Variants in KCNIP4 observed in about 807,000 individuals in gnomAD.
The protein encoded by KCNIP4 is Kv channel-interacting protein 4.
KCNIP4 carries 12 observed loss-of-function variants against 34.0 expected under a neutral mutation model. The observed-to-expected ratio is 0.35, with a 90% CI of 0.23 to 0.57. The LOEUF (loss-of-function observed/expected upper bound fraction) is 0.57, where lower values mean the gene tolerates loss of function less well. KCNIP4 is among the 20% of genes least tolerant of loss of function. KCNIP4 has a pLI of 0.83. For synonymous variants in KCNIP4, 124 were observed against 102.2 expected (o/e 1.21, Z -1.29); for missense variants, 238 against 311.7 (o/e 0.76, Z 1.78).
intron 1 of KCNIP4, among the ~76,000 whole-genome samples, chr4:20,969,209 T>C (rs1270063287): frequency 6.6e-6 from 1 of 152,180 alleles, no homozygotes. Flanking sequence ...AGAAAACTGT[T>C]AGCCCTTTTC....
intron 1 of KCNIP4, among the ~76,000 whole-genome samples, chr4:21,540,405 C>T (rs933731563): frequency 1.3e-5 from 2 of 152,156 alleles, no homozygotes; most frequent in Admixed American, 1.3e-4. Flanking sequence ...CAGTGAGCCA[C>T]AGCTAAAATT....
intron 3 of KCNIP4, among the ~76,000 whole-genome samples, chr4:20,826,830 T>C (rs1717816373): frequency 6.6e-6 from 1 of 152,178 alleles, no homozygotes; most frequent in Admixed American, 6.5e-5. Flanking sequence ...GGCATCAATA[T>C]TCCCCCTGAG....
intron 1 of KCNIP4, among the ~76,000 whole-genome samples, chr4:21,827,187 A>G (rs898938402): frequency 3.3e-5 from 5 of 152,042 alleles, no homozygotes; most frequent in Non-Finnish European, 5.9e-5. Flanking sequence ...GTGTCTAAAT[A>G]TTTCACTCTA....
At chr4:21,372,440 A>T (rs1475660174) in intron 1 of KCNIP4, among the ~76,000 whole-genome samples, 1 of 146,574 alleles carries the variant, frequency 6.8e-6, no homozygotes, top group East Asian at 2.0e-4. Context: ...AGATGTGTAT[A>T]TATATGTGTG....
At chr4:21,508,610 A>G (rs116630145) in intron 1 of KCNIP4, among the ~76,000 whole-genome samples, 6 of 152,344 alleles carry the variant, frequency 3.9e-5, no homozygotes, top group South Asian at 2.1e-4. Flanking sequence ...TAAGTCAGAC[A>G]TACTCTGCTT....
chr4:21,148,670 A>C (rs536838028), intron 1 of KCNIP4, among the ~76,000 whole-genome samples: 2 of 151,742 alleles, frequency 1.3e-5, no homozygotes, highest in African/African-American at 2.4e-5. Flanking sequence ...CCAAATTCCA[A>C]CTGTGATACT....
intron 3 of KCNIP4, among the ~76,000 whole-genome samples, chr4:20,824,039 T>C (rs1717420333): frequency 6.6e-6 from 1 of 152,206 alleles, no homozygotes; most frequent in South Asian, 2.1e-4. Context: ...GTGTTTGAGT[T>C]TCCTCATCTA....
intron 1 of KCNIP4, among the ~76,000 whole-genome samples, chr4:21,494,217 T>C (rs1225336350): frequency 6.6e-6 from 1 of 152,166 alleles, no homozygotes; most frequent in Non-Finnish European, 1.5e-5. Context: ...AAGACAAATA[T>C]TATAAAATCA....
Position 21,234,429 on chromosome 4 carries a change from C to CATCAT in KCNIP4, c.62-351721_62-351720insATGAT, listed in dbSNP as rs1560199427. ...TATATAACATATACTATATATATTACATATAACGTATATAATATATATTAC... is the reference window on the plus strand; with the variant it reads ...TATATAACATATACTATATATATTACATCATATATAACGTATATAATATATATTAC... On this transcript the variant is annotated intron_variant, in intron 1 of 8. Coordinates refer to ENST00000382152, the MANE Select transcript of KCNIP4 (RefSeq NM_025221.6). Among the ~76,000 whole-genome samples, 11 of 96,668 alleles carry CATCAT rather than the reference C, an allele frequency of 1.1e-4. 1 individual carries two copies. The highest frequency in any genetic ancestry group is 1.8e-4 in the Non-Finnish European group (9 of 50,792). The allele number at this position is 96,668 out of a possible 152,430, so 63.4% of individuals were successfully genotyped here.
chr4:21,517,240 C>A (rs1031115343), intron 1 of KCNIP4, among the ~76,000 whole-genome samples: 1 of 152,096 alleles, frequency 6.6e-6, no homozygotes, highest in African/African-American at 2.4e-5. Flanking sequence ...GAAACAACCA[C>A]GTCAGAGTGG....
chr4:21,153,624 C>A (rs1046624912), intron 1 of KCNIP4, among the ~76,000 whole-genome samples: 7 of 151,416 alleles, frequency 4.6e-5, no homozygotes, highest in African/African-American at 1.7e-4. Flanking sequence ...ATCCCATTGT[C>A]TGGACAACAA....
chr4:20,786,961 A>T (rs920350745), intron 3 of KCNIP4, among the ~76,000 whole-genome samples: 1 of 152,164 alleles, frequency 6.6e-6, no homozygotes, highest in Non-Finnish European at 1.5e-5. Flanking sequence ...GACTGGAAAG[A>T]AGTATAAATA....
intron 1 of KCNIP4, among the ~76,000 whole-genome samples, chr4:21,889,575 C>A (rs1726973351): frequency 6.6e-6 from 1 of 152,080 alleles, no homozygotes; most frequent in African/African-American, 2.4e-5. Flanking sequence ...CCAGAGGTTT[C>A]TCTTGGGGAG....
chr4:21,298,609 A>T, intron 1 of KCNIP4, among the ~76,000 whole-genome samples: 1 of 152,130 alleles, frequency 6.6e-6, no homozygotes, highest in Admixed American at 6.6e-5. Flanking sequence ...CAGTTTGAGA[A>T]TAAACATTTC....
Position 21,467,347 on chromosome 4 carries a change from G to T in KCNIP4, c.61+481224C>A, listed in dbSNP as rs149222763. Among the ~76,000 whole-genome samples, 541 of 152,220 alleles carry T rather than the reference G, an allele frequency of 3.6e-3. 2 individuals are homozygous for T. Among genetic ancestry groups the T allele is most frequent in the African/African-American group, 4.1e-3 (172 of 41,548 alleles). Reference sequence around the variant, plus strand: ...TATATAATAAATATTTGAATGATACGTGTTTCCAAGTTGGAAGCGGTCTGT... The same window carrying T: ...TATATAATAAATATTTGAATGATACTTGTTTCCAAGTTGGAAGCGGTCTGT... On this transcript the variant is annotated intron_variant, in intron 1 of 8. Coordinates refer to ENST00000382152, the MANE Select transcript of KCNIP4 (RefSeq NM_025221.6).
chr4:20,817,662 G>A (rs1451112665), intron 3 of KCNIP4, among the ~76,000 whole-genome samples: 2 of 149,116 alleles, frequency 1.3e-5, no homozygotes, highest in African/African-American at 4.9e-5. Flanking sequence ...TTGATTACAA[G>A]CTCTTTGAGG....
intron 1 of KCNIP4, among the ~76,000 whole-genome samples, chr4:21,714,785 GATTA>G (rs1714032547): frequency 2.3e-5 from 1 of 43,372 alleles, no homozygotes; most frequent in African/African-American, 2.0e-4. Flanking sequence ...ATTTCCCTTT[GATTA>G]TTTTATTTTA....
At chr4:21,487,022 A>C (rs1035563233) in intron 1 of KCNIP4, among the ~76,000 whole-genome samples, 1 of 151,920 alleles carries the variant, frequency 6.6e-6, no homozygotes, top group Non-Finnish European at 1.5e-5. Context: ...GCTGGTCTTG[A>C]ACTCCTGAGC....
chr4:21,047,153 T>C (rs1471356229), intron 1 of KCNIP4, among the ~76,000 whole-genome samples: 2 of 152,242 alleles, frequency 1.3e-5, no homozygotes, highest in African/African-American at 4.8e-5. Flanking sequence ...TATTATACCA[T>C]GTGTGGCAAT....
Sources: gnomAD v4.1 joint callset for allele counts (sites outside exome capture counted in the v4.1 genomes callset) on GRCh38, gnomAD v4.1.1 for gene constraint, MANE v1.5 for transcripts, NCBI Gene and HGNC (gene_info 2026-07-23, HGNC 2026-07-21) for gene names.